The following CADM2 variants were observed in gnomAD, a reference collection of about 807,000 sequenced individuals.
CADM2 encodes the protein immunoglobulin superfamily member 4D.
CADM2 carries 12 observed loss-of-function variants against 49.8 expected under a neutral mutation model. The ratio of observed to expected loss-of-function variants is 0.24; its 90% CI spans 0.15 to 0.39. The LOEUF is 0.39. Among genes scored for constraint, CADM2 ranks in the 10% least tolerant of loss-of-function variants. CADM2 has a pLI of 1.00. For synonymous variants in CADM2, 214 were observed against 175.4 expected (o/e 1.22, Z -1.74); for missense variants, 378 against 492.3 (o/e 0.77, Z 2.20).
chr3:85,963,595 G>A (rs1234652840), intron 8 of CADM2, among the ~76,000 whole-genome samples: 1 of 151,842 alleles, frequency 6.6e-6, no homozygotes, highest in East Asian at 1.9e-4. Context: ...GTCACATTGT[G>A]TCAAAAGCAA....
At chr3:85,564,270 T>C (rs893881811) in intron 1 of CADM2, among the ~76,000 whole-genome samples, 6 of 152,104 alleles carry the variant, frequency 3.9e-5, no homozygotes, top group Non-Finnish European at 8.8e-5. Context: ...GTGTACAATT[T>C]TGTGGCATTA....
At chr3:85,533,007 G>A (rs1451265992) in intron 1 of CADM2, among the ~76,000 whole-genome samples, 3 of 152,160 alleles carry the variant, frequency 2.0e-5, no homozygotes, top group Non-Finnish European at 4.4e-5. Context: ...CTTGGAGGGT[G>A]GGAGGTGGGA....
chr3:86,014,455 C>A (rs1731956988), intron 8 of CADM2: 2 of 1,496,452 alleles, frequency 1.3e-6, no homozygotes, highest in African/African-American at 2.8e-5. Flanking sequence ...GAGGAAGCCA[C>A]AAATTTGGTA....
intron 2 of CADM2, among the ~76,000 whole-genome samples, chr3:85,762,229 C>G (rs967143142): frequency 1.8e-4 from 27 of 152,116 alleles, no homozygotes; most frequent in Non-Finnish European, 2.9e-4. Context: ...TATAGAAAAT[C>G]TGTTAATAGT....
At chr3:85,039,992 T>A (rs1253522693) in intron 1 of CADM2, among the ~76,000 whole-genome samples, 3 of 152,220 alleles carry the variant, frequency 2.0e-5, no homozygotes, top group Non-Finnish European at 4.4e-5. Context: ...TCAGGCAGTA[T>A]GACTGTAGTT....
intron 1 of CADM2, among the ~76,000 whole-genome samples, chr3:85,549,349 A>C (rs2061741950): frequency 1.3e-5 from 2 of 152,210 alleles, no homozygotes; most frequent in Admixed American, 6.5e-5. Context: ...GGAAAAAAAC[A>C]AATTGAGACA....
chr3:85,625,526 G>GA lies in CADM2; in HGVS notation c.62-100990dup, dbSNP rs527945138. The stretch of plus-strand genomic sequence containing the variant: ...CATTCCATCATAGTGTAGATTTATT[G>GA]AAAAAAGTACTTATGCACTCTTTCA... On this transcript the variant is annotated intron_variant, in intron 1 of 9. Transcript: ENST00000383699. Among the ~76,000 whole-genome samples the GA allele has an allele frequency of 3.5e-3, 535 of 151,302 alleles. 7 individuals carry two copies. Among genetic ancestry groups the GA allele is most frequent in the African/African-American group, 0.012 (499 of 41,214 alleles).
chr3:85,177,865 A>G (rs1171793082), intron 1 of CADM2, among the ~76,000 whole-genome samples: 3 of 152,122 alleles, frequency 2.0e-5, no homozygotes, highest in South Asian at 2.1e-4. Context: ...ATATTGTTAT[A>G]TATTATGAAT....
At chr3:85,313,717 G>T (rs1576333443) in intron 1 of CADM2, among the ~76,000 whole-genome samples, 1 of 152,192 alleles carries the variant, frequency 6.6e-6, no homozygotes, top group African/African-American at 2.4e-5. Flanking sequence ...TAGCCCTCAT[G>T]TTCTGTACAA....
chr3:85,487,638 A>C (rs1266534104), intron 1 of CADM2, among the ~76,000 whole-genome samples: 1 of 134,390 alleles, frequency 7.4e-6, no homozygotes, highest in Non-Finnish European at 1.7e-5. Context: ...GAGGAGGACG[A>C]AGAGGAGGAG....
intron 3 of CADM2, among the ~76,000 whole-genome samples, chr3:85,807,213 G>T (rs921175748): frequency 1.3e-5 from 2 of 151,980 alleles, no homozygotes; most frequent in Non-Finnish European, 2.9e-5. Context: ...GATTAAGACA[G>T]AAGGGCCAGG....
intron 1 of CADM2, among the ~76,000 whole-genome samples, chr3:85,426,668 T>C (rs1204997847): frequency 6.6e-6 from 1 of 152,044 alleles, no homozygotes; most frequent in African/African-American, 2.4e-5. Context: ...AAATGTACAA[T>C]TAAGTTATTA....
chr3:85,910,723 A>G (rs554380777), intron 5 of CADM2, among the ~76,000 whole-genome samples: 2 of 152,236 alleles, frequency 1.3e-5, no homozygotes, highest in East Asian at 1.9e-4. Flanking sequence ...CCTAACATAC[A>G]TAAAACATTT....
chr3:85,868,385 A>T (rs1181795132), intron 3 of CADM2, among the ~76,000 whole-genome samples: 1 of 152,074 alleles, frequency 6.6e-6, no homozygotes, highest in Non-Finnish European at 1.5e-5. Context: ...AGTTTTCTTC[A>T]TACAAATTTT....
chr3:85,853,040 C>T (rs557226603), intron 3 of CADM2, among the ~76,000 whole-genome samples: 1 of 151,974 alleles, frequency 6.6e-6, no homozygotes, highest in East Asian at 1.9e-4. Context: ...AAGCATAAAT[C>T]CCTGGATATA....
At chr3:85,489,324 A>G (rs905046073) in intron 1 of CADM2, among the ~76,000 whole-genome samples, 6 of 152,164 alleles carry the variant, frequency 3.9e-5, no homozygotes, top group Non-Finnish European at 8.8e-5. Context: ...AATTCCTAAA[A>G]TAAGAGAATT....
intron 8 of CADM2, among the ~76,000 whole-genome samples, chr3:85,996,708 CAAATTCAGCAGAT>C (rs1480730998): frequency 8.5e-5 from 13 of 152,094 alleles, no homozygotes; most frequent in Admixed American, 3.3e-4. Context: ...TCTTCTTCAT[CAAATTCAGCAGAT>C]GTATATTATA....
At chr3:85,490,656 G>C (rs1483374467) in intron 1 of CADM2, among the ~76,000 whole-genome samples, 1 of 152,108 alleles carries the variant, frequency 6.6e-6, no homozygotes, top group East Asian at 1.9e-4. Flanking sequence ...TCACTAAATA[G>C]TCTTCTTAAC....
chr3:85,588,847 A>G (rs1358785472), intron 1 of CADM2, among the ~76,000 whole-genome samples: 3 of 152,054 alleles, frequency 2.0e-5, no homozygotes, highest in South Asian at 4.1e-4. Flanking sequence ...AAGCAAGGCA[A>G]CAAGTGGGAG....
Sources: allele counts gnomAD v4.1 joint callset (sites outside exome capture counted in the v4.1 genomes callset), GRCh38; gene constraint gnomAD v4.1.1; transcripts MANE v1.5; gene names NCBI Gene and HGNC (gene_info 2026-07-23, HGNC 2026-07-21).